DEPDC5: variants seen among roughly 807,000 people sequenced by gnomAD.
DEPDC5 encodes DEP domain containing 5, GATOR1 subcomplex subunit, also known as GATOR1 complex protein DEPDC5.
A neutral mutation model predicts 217.3 loss-of-function variants in DEPDC5; 73 were observed. That is an observed-to-expected ratio of 0.34 (90% confidence interval 0.28 to 0.41). The LOEUF (loss-of-function observed/expected upper bound fraction) is 0.41. Among genes scored for constraint, DEPDC5 ranks in the 10% least tolerant of loss-of-function variants. The pLI is 1.00. For missense variants in DEPDC5, 1,675 were observed against 2,070.1 expected, an observed-to-expected ratio of 0.81 and a Z score of 3.70; for synonymous variants, 733 against 756.7, an observed-to-expected ratio of 0.97 and a Z score of 0.51.
intron 27 of DEPDC5, among the ~76,000 whole-genome samples, chr22:31,842,498 C>T (rs185307831): frequency 7.3e-5 from 11 of 150,708 alleles, no homozygotes; most frequent in Admixed American, 4.6e-4. Flanking sequence ...TTGCTTGAAC[C>T]CAGGAGGTGG....
intron 31 of DEPDC5, among the ~76,000 whole-genome samples, chr22:31,850,132 A>G (rs948847200): frequency 8.5e-5 from 13 of 152,198 alleles, no homozygotes; most frequent in Admixed American, 8.5e-4. Context: ...AACAACAACA[A>G]CAAAATTTGA....
intron 31 of DEPDC5, among the ~76,000 whole-genome samples, chr22:31,856,155 G>GCGCGCGCGCACA (rs1226909374): frequency 2.1e-5 from 3 of 140,570 alleles, no homozygotes; most frequent in Non-Finnish European, 4.6e-5. Flanking sequence ...GGGCCAACGC[G>GCGCGCGCGCACA]CACACACACA....
At chr22:31,792,675 G>C in intron 11 of DEPDC5, 70 bp from the exon 12 acceptor site, 2 of 938,518 alleles carry the variant, frequency 2.1e-6, no homozygotes, top group East Asian at 7.2e-5. Flanking sequence ...CTTTAACCCA[G>C]AAGAGGAAGC....
chr22:31,891,376 C>T (rs1452555815), intron 38 of DEPDC5: 6 of 297,430 alleles, frequency 2.0e-5, no homozygotes, highest in Non-Finnish European at 3.9e-5. Flanking sequence ...CTCTTTCAGG[C>T]GTTCTCTTAC....
chr22:31,846,909 G>C lies in DEPDC5; in HGVS notation c.3097G>C (p.Val1033Leu), dbSNP rs376313159. 6.2e-7 allele frequency: 1 copy of C among 1,614,258 alleles called. No homozygotes were observed. Reference protein sequence around the residue: ...THSLESTAPPVGKKGTSALSA... With the variant: ...THSLESTAPPLGKKGTSALSA... ...TTCTCTGGAGTCAACTGCACCCCCAGTGGGGAAGAAGGGAACCTCAGCTCT... is the reference window on the plus strand; with the variant it reads ...TTCTCTGGAGTCAACTGCACCCCCACTGGGGAAGAAGGGAACCTCAGCTCT... The change falls in exon 31 of 43, where the codon GTG becomes CTG. Residue 1033 changes from valine (V) to leucine (L), a missense_variant. Physicochemically the swap from Val to Leu is conservative, Grantham distance 32. This residue lies in a region of DEPDC5 where 293 missense variants were observed against 386.1 expected (regional missense o/e 0.76). Transcript: ENST00000651528.
Position 31,815,882 on chromosome 22 carries a change from T to C in DEPDC5, c.1666+670T>C, listed in dbSNP as rs1440958012. On this transcript the variant is annotated intron_variant, in intron 21 of 42. Coordinates refer to ENST00000651528, the MANE Select transcript of DEPDC5 (RefSeq NM_001242896.3). ...AGCCTTTCTTCATCCATCATTTAAC[T>C]GTATGCCTTTCCATATGTTAATGGA... is the stretch of plus-strand genomic sequence containing the variant. The C allele has an allele frequency of 2.8e-6, 3 of 1,072,822 alleles. No individual in the cohort carries two copies. The African/African-American group carries it at 5.0e-5, about 18-fold the overall frequency. 66.5% of individuals were successfully genotyped at this position (1,072,822 alleles called of 1,614,324 possible). A position where few individuals can be genotyped will look rare whatever the true frequency, so the allele number is the denominator to read the frequency against.
intron 24 of DEPDC5, among the ~76,000 whole-genome samples, chr22:31,828,464 A>C (rs1250665438): frequency 2.0e-5 from 3 of 152,066 alleles, no homozygotes; most frequent in Non-Finnish European, 2.9e-5. Context: ...AAAAAAAAAA[A>C]AAAAAAAAAA....
intron 20 of DEPDC5, among the ~76,000 whole-genome samples, chr22:31,811,262 G>T (rs540856850): frequency 1.3e-5 from 2 of 152,256 alleles, no homozygotes; most frequent in East Asian, 1.9e-4. Context: ...TAGAGATGGG[G>T]TTTCGCCATG....
intron 10 of DEPDC5, among the ~76,000 whole-genome samples, chr22:31,789,610 T>G (rs926705409): frequency 4.6e-5 from 7 of 152,224 alleles, no homozygotes; most frequent in African/African-American, 1.7e-4. Flanking sequence ...TTATATGTAT[T>G]TTGCCACAAT....
At chr22:31,905,156 G>C (rs533555304) in intron 41 of DEPDC5, among the ~76,000 whole-genome samples, 6 of 152,178 alleles carry the variant, frequency 3.9e-5, no homozygotes, top group Non-Finnish European at 8.8e-5. Flanking sequence ...AGAGCACAGG[G>C]AAGCAGAGAG....
intron 31 of DEPDC5, among the ~76,000 whole-genome samples, chr22:31,850,317 TCA>T (rs1409204729): frequency 6.6e-6 from 1 of 152,138 alleles, no homozygotes; most frequent in Non-Finnish European, 1.5e-5. Context: ...ATGCTCAATT[TCA>T]GTTACCCAAG....
chr22:31,812,618 G>A (rs2088541944), intron 20 of DEPDC5, among the ~76,000 whole-genome samples: 1 of 145,896 alleles, frequency 6.9e-6, no homozygotes, highest in Admixed American at 6.9e-5. Context: ...TAGAGACGGG[G>A]TTTCACCGTG....
chr22:31,901,013 C>T (rs1295407379), intron 40 of DEPDC5, among the ~76,000 whole-genome samples: 1 of 152,156 alleles, frequency 6.6e-6, no homozygotes, highest in East Asian at 1.9e-4. Context: ...GAGGCCGACG[C>T]AGGCGGATCA....
chr22:31,860,919 C>T (rs889059785), intron 32 of DEPDC5, among the ~76,000 whole-genome samples: 1 of 152,172 alleles, frequency 6.6e-6, no homozygotes, highest in Non-Finnish European at 1.5e-5. Flanking sequence ...CACCAAAGCC[C>T]TTACCCTGCA....
rs187334123 is a variant in DEPDC5 at position 31,797,646 on chromosome 22, G to A, written c.814G>A (p.Val272Ile). Residue 272 changes from valine to isoleucine, a missense_variant, in exon 13 of 43, where the codon GTA (valine) becomes ATA (isoleucine). Coordinates refer to ENST00000651528, the MANE Select transcript of DEPDC5 (RefSeq NM_001242896.3). ...AAGAGAAGAATGGACTTCACTTCTC[G>A]TAACCATTAAAAAACTCTTCATCCA... ...ERREEWTSLL[V>I]TIKKLFIQYP... 1,975 of 1,614,010 alleles carry A rather than the reference G, an allele frequency of 1.2e-3. 6 individuals carry two copies. Among genetic ancestry groups the A allele is most frequent in the Non-Finnish European group, 7.6e-4 (897 of 1,179,972 alleles).
chr22:31,884,839 C>T (rs1174690011), intron 38 of DEPDC5, among the ~76,000 whole-genome samples: 4 of 152,204 alleles, frequency 2.6e-5, no homozygotes, highest in African/African-American at 4.8e-5. Context: ...GCAACACCTT[C>T]GTCTTGCCTT....
At chr22:31,898,891 C>T (rs2093601144) in intron 40 of DEPDC5, among the ~76,000 whole-genome samples, 1 of 152,228 alleles carries the variant, frequency 6.6e-6, no homozygotes, top group Non-Finnish European at 1.5e-5. Flanking sequence ...CTTGTTTAAC[C>T]TCACAGTGAT....
intron 20 of DEPDC5, among the ~76,000 whole-genome samples, chr22:31,811,753 G>T (rs1424767721): frequency 6.6e-6 from 1 of 151,800 alleles, no homozygotes; most frequent in East Asian, 1.9e-4. Context: ...CTCACATATT[G>T]CCAGGCTGGT....
At position 31,886,361 on chromosome 22, in the gene DEPDC5, T is replaced by C. The variant is rs117675104; in HGVS notation, c.4033+6609T>C. Reference sequence around the variant, plus strand: ...GAATATCCTCGTTTCCAAAGCCTTCTTCTAATGCAGGCTGGTAAAACCCTC... The same window carrying C: ...GAATATCCTCGTTTCCAAAGCCTTCCTCTAATGCAGGCTGGTAAAACCCTC... On this transcript the variant is annotated intron_variant, in intron 38 of 42. Transcript: ENST00000651528. 5.0e-3 allele frequency among the ~76,000 whole-genome samples: 765 copies of C among 152,310 alleles called. 9 individuals carry two copies. The highest frequency in any genetic ancestry group is 0.021 in the East Asian group (108 of 5,182).
Sources: gnomAD v4.1 joint callset for allele counts (sites outside exome capture counted in the v4.1 genomes callset) on GRCh38, gnomAD v4.1.1 for gene constraint, gnomAD v4.1.1 regional missense constraint, MANE v1.5 for transcripts, NCBI Gene and HGNC (gene_info 2026-07-23, HGNC 2026-07-21) for gene names.